CNTN5: variants seen among roughly 807,000 people sequenced by gnomAD.
CNTN5 encodes the protein contactin 5.
Under a neutral mutation model 129.1 loss-of-function variants are expected in CNTN5, and 77 were observed. The observed-to-expected ratio is 0.60, with a 90% confidence interval of 0.50 to 0.72. The LOEUF (loss-of-function observed/expected upper bound fraction) is 0.72. Ranked by LOEUF, CNTN5 falls within the 30% of genes least tolerant of loss-of-function variation. The pLI is 0.00. For missense variants in CNTN5, 1,478 were observed against 1,328.8 expected, an observed-to-expected ratio of 1.11 and a Z score of -1.75; for synonymous variants, 509 against 465.6, an observed-to-expected ratio of 1.09 and a Z score of -1.20.
chr11:99,536,262 C>CT (rs34292455), intron 2 of CNTN5, among the ~76,000 whole-genome samples: 17 of 151,658 alleles, frequency 1.1e-4, no homozygotes, highest in East Asian at 7.7e-4. Context: ...ATAAGAAAAT[C>CT]TTTTTTTTAT....
chr11:99,602,469 G>C (rs977668256), intron 3 of CNTN5, among the ~76,000 whole-genome samples: 1 of 152,002 alleles, frequency 6.6e-6, no homozygotes, highest in African/African-American at 2.4e-5. Context: ...AGGAGCAAAA[G>C]GTTCATTGAC....
At chr11:99,484,684 A>C (rs1239776592) in intron 2 of CNTN5, among the ~76,000 whole-genome samples, 2 of 152,152 alleles carry the variant, frequency 1.3e-5, no homozygotes, top group Non-Finnish European at 2.9e-5. Flanking sequence ...TGTGTATTAC[A>C]CCATAGAATA....
chr11:99,920,167 GTTAT>G (rs989652149), intron 7 of CNTN5, among the ~76,000 whole-genome samples: 2 of 152,004 alleles, frequency 1.3e-5, no homozygotes, highest in South Asian at 2.1e-4. Flanking sequence ...TCTCATGTGG[GTTAT>G]TTCTTTCTCC....
intron 3 of CNTN5, among the ~76,000 whole-genome samples, chr11:99,655,342 G>A (rs1435606917): frequency 6.6e-6 from 1 of 152,122 alleles, no homozygotes; most frequent in East Asian, 1.9e-4. Flanking sequence ...AGTACAGCCT[G>A]ACTAATACTA....
intron 9 of CNTN5, among the ~76,000 whole-genome samples, chr11:100,038,790 C>A (rs1192087916): frequency 7.9e-5 from 12 of 151,998 alleles, no homozygotes; most frequent in African/African-American, 1.5e-4. Flanking sequence ...AGGATTGCAA[C>A]CCCTGCCTTT....
intron 13 of CNTN5, among the ~76,000 whole-genome samples, chr11:100,124,905 T>A (rs1015446075): frequency 6.6e-6 from 1 of 152,092 alleles, no homozygotes; most frequent in East Asian, 1.9e-4. Context: ...AAGCCAATGG[T>A]TCTCAAACTT....
intron 13 of CNTN5, among the ~76,000 whole-genome samples, chr11:100,123,458 T>C (rs1946091122): frequency 6.6e-6 from 1 of 152,018 alleles, no homozygotes; most frequent in South Asian, 2.1e-4. Flanking sequence ...ATGTAAAGCA[T>C]TTTAGTTTAA....
intron 2 of CNTN5, among the ~76,000 whole-genome samples, chr11:99,351,543 A>G (rs904267621): frequency 6.6e-6 from 1 of 152,236 alleles, no homozygotes; most frequent in Non-Finnish European, 1.5e-5. Flanking sequence ...TTTAATTATA[A>G]CATATATAAA....
intron 1 of CNTN5, among the ~76,000 whole-genome samples, 165 bp from the exon 2 acceptor site, chr11:99,325,181 A>G (rs757820387): frequency 2.0e-5 from 3 of 152,106 alleles, no homozygotes; most frequent in Non-Finnish European, 4.4e-5. Flanking sequence ...AAATATACCT[A>G]ATTAGAAGCT....
At chr11:99,705,032 T>G (rs893235607) in intron 3 of CNTN5, among the ~76,000 whole-genome samples, 4 of 151,378 alleles carry the variant, frequency 2.6e-5, no homozygotes, top group African/African-American at 9.7e-5. Context: ...TGGTTTATTT[T>G]GGAAAAAGCT....
intron 3 of CNTN5, among the ~76,000 whole-genome samples, chr11:99,579,813 G>A (rs1204433361): frequency 7.3e-5 from 11 of 150,722 alleles, no homozygotes; most frequent in Admixed American, 1.3e-4. Context: ...CTAATTGAAT[G>A]CCCTTTATTC....
At chr11:99,812,526 A>G (rs1429370517) in intron 3 of CNTN5, among the ~76,000 whole-genome samples, 2 of 152,148 alleles carry the variant, frequency 1.3e-5, no homozygotes, top group Non-Finnish European at 2.9e-5. Context: ...TGTTTTCTGT[A>G]TATTACTTTA....
At chr11:100,126,862 T>A (rs556027986) in intron 13 of CNTN5, among the ~76,000 whole-genome samples, 5 of 152,180 alleles carry the variant, frequency 3.3e-5, no homozygotes, top group African/African-American at 1.2e-4. Flanking sequence ...ATTCTATGGT[T>A]GCTTTATAGG....
chr11:99,594,579 G>A (rs930872315), intron 3 of CNTN5, among the ~76,000 whole-genome samples: 25 of 152,176 alleles, frequency 1.6e-4, no homozygotes, highest in African/African-American at 5.8e-4. Context: ...AGTGGGATTT[G>A]TGGTTCACTT....
chr11:100,337,451 G>C (rs865843603), intron 21 of CNTN5: 7 of 750,054 alleles, frequency 9.3e-6, no homozygotes, highest in Middle Eastern at 3.5e-4. Context: ...ATCAGGTGTT[G>C]AATGTGATTA....
intron 2 of CNTN5, among the ~76,000 whole-genome samples, chr11:99,549,101 T>C (rs906640141): frequency 2.6e-5 from 4 of 152,178 alleles, no homozygotes; most frequent in Admixed American, 1.3e-4. Flanking sequence ...CCTTTTTTTT[T>C]TTTATAACAC....
At chr11:99,385,219 G>T (rs1410174036) in intron 2 of CNTN5, among the ~76,000 whole-genome samples, 1 of 152,078 alleles carries the variant, frequency 6.6e-6, no homozygotes, top group Non-Finnish European at 1.5e-5. Context: ...TAGTCACTGT[G>T]TTGTGCAAGA....
At chr11:99,082,327 G>A (rs1049109689) in intron 1 of CNTN5, among the ~76,000 whole-genome samples, 2 of 151,960 alleles carry the variant, frequency 1.3e-5, no homozygotes, top group African/African-American at 4.8e-5. Context: ...TGGGACTACA[G>A]GCGCATGCCA....
intron 1 of CNTN5, among the ~76,000 whole-genome samples, chr11:99,052,371 A>G (rs192215788): frequency 3.2e-4 from 48 of 151,914 alleles, no homozygotes; most frequent in Non-Finnish European, 5.5e-4. Context: ...ATAACGTGCT[A>G]TTTTTATTGT....
Sources: gnomAD v4.1 joint callset for allele counts (sites outside exome capture counted in the v4.1 genomes callset) on GRCh38, gnomAD v4.1.1 for gene constraint, MANE v1.5 for transcripts, NCBI Gene and HGNC (gene_info 2026-07-23, HGNC 2026-07-21) for gene names.